KHK: variants seen among roughly 807,000 people sequenced by gnomAD.
The protein encoded by KHK is ketohexokinase.
Under a neutral mutation model 36.0 loss-of-function variants are expected in KHK, and 37 were observed. That is an observed-to-expected ratio of 1.03 (90% confidence interval 0.79 to 1.35). The LOEUF (loss-of-function observed/expected upper bound fraction) is 1.35. Among genes scored for constraint, KHK ranks in the 40% most tolerant of loss-of-function variants. The probability of loss-of-function intolerance (pLI) is 0.00; values close to 1 mark genes in which losing one functional copy is unlikely to be tolerated. For synonymous variants in KHK, 161 were observed against 162.8 expected (o/e 0.99, Z 0.08); for missense variants, 395 against 391.9 (o/e 1.01, Z -0.07).
chr2:27,095,282 A>G (rs114690648), intron 3 of KHK, among the ~76,000 whole-genome samples: 1 of 152,166 alleles, frequency 6.6e-6, no homozygotes, highest in East Asian at 1.9e-4. Flanking sequence ...TCAGGACAGA[A>G]GGGTGGGAGA....
chr2:27,096,647 C>T, intron 3 of KHK, 82 bp from the exon 4 acceptor site: 1 of 1,075,614 alleles, frequency 9.3e-7, no homozygotes, highest in South Asian at 1.2e-5. Flanking sequence ...GGCACAGGGT[C>T]CACAGCTGCC....
At chr2:27,097,065 C>T (rs1441292207) in intron 4 of KHK, among the ~76,000 whole-genome samples, 1 of 152,196 alleles carries the variant, frequency 6.6e-6, no homozygotes, top group African/African-American at 2.4e-5. Context: ...ACGGGCTGCC[C>T]CATTGCCTCC....
chr2:27,099,331 C>G lies in KHK; in HGVS notation c.653+47C>G, dbSNP rs201030559. 14 of 1,612,882 alleles carry G rather than the reference C, an allele frequency of 8.7e-6. No homozygotes were observed. In the East Asian group the frequency reaches 2.9e-4, roughly 33 times the overall value. ...GGGGCTTTAGAAGGTACAGGATGAGCCTGGACTCCAGGAGTCCGCCCTGGA... is the reference window on the plus strand; with the variant it reads ...GGGGCTTTAGAAGGTACAGGATGAGGCTGGACTCCAGGAGTCCGCCCTGGA... On this transcript the variant is annotated intron_variant, in intron 6 of 7. Coordinates refer to ENST00000260598, the MANE Select transcript of KHK (RefSeq NM_006488.3).
chr2:27,094,045 G>A (rs1670167644), intron 2 of KHK, among the ~76,000 whole-genome samples: 1 of 152,216 alleles, frequency 6.6e-6, no homozygotes, highest in African/African-American at 2.4e-5. Context: ...GTGGAGGACA[G>A]CTGGGGGCAA....
intron 1 of KHK, among the ~76,000 whole-genome samples, chr2:27,091,959 G>A (rs1227667844): frequency 6.6e-6 from 1 of 152,224 alleles, no homozygotes; most frequent in African/African-American, 2.4e-5. Flanking sequence ...CTCTCAAGGA[G>A]GAGGCCAAAG....
chr2:27,090,956 T>C (rs1482079507), intron 1 of KHK, among the ~76,000 whole-genome samples: 1 of 152,076 alleles, frequency 6.6e-6, no homozygotes, highest in Non-Finnish European at 1.5e-5. Context: ...CTTGGGAGAC[T>C]AAGGTGGGAG....
intron 1 of KHK, 60 bp from the exon 2 acceptor site, chr2:27,092,272 A>C: frequency 1.6e-6 from 2 of 1,281,602 alleles, no homozygotes; most frequent in Non-Finnish European, 2.3e-6. Flanking sequence ...GCCCCTATAC[A>C]GGAGACTGTG....
chr2:27,094,593 C>T (rs913305349), intron 2 of KHK: 2 of 1,614,194 alleles, frequency 1.2e-6, no homozygotes, highest in East Asian at 2.2e-5. Flanking sequence ...GGTAGCCGCA[C>T]CATCCTATAC....
At chr2:27,094,973 T>A in intron 3 of KHK, 39 bp downstream of exon 3, 1 of 1,611,852 alleles carries the variant, frequency 6.2e-7, no homozygotes, top group Non-Finnish European at 8.5e-7. Flanking sequence ...AACCCACCAA[T>A]CAGTTGGCTC....
Position 27,099,434 on chromosome 2 carries a change from G to A in KHK, c.668G>A (p.Cys223Tyr). Residue 223 changes from cysteine to tyrosine, a missense_variant, in exon 7 of 8, where the codon TGT becomes TAT. Coordinates refer to ENST00000260598, the MANE Select transcript of KHK (RefSeq NM_006488.3). ...CCGTCTTGCAGGGCTGTGCTTGTCT[G>A]TGCCTGGGCTGAGGAGGGCGCCGAC... ...GRVRKGAVLV[C>Y]AWAEEGADAL... The A allele has an allele frequency of 1.2e-6, 2 of 1,613,960 alleles. No individual in the cohort carries two copies. The highest frequency in any genetic ancestry group is 1.7e-6 in the Non-Finnish European group (2 of 1,179,896).
At chr2:27,094,542 G>A in intron 2 of KHK, 1 of 1,614,086 alleles carries the variant, frequency 6.2e-7, no homozygotes, top group Non-Finnish European at 8.5e-7. Context: ...CAGACCACAG[G>A]CTCCGTCCCC....
At chr2:27,094,468 C>T (rs748785153) in intron 2 of KHK, 1 of 1,612,964 alleles carries the variant, frequency 6.2e-7, no homozygotes, top group Admixed American at 1.7e-5. Flanking sequence ...GGTTACTCCG[C>T]CCTAGCAGTT....
chr2:27,099,029 AAAAT>A, intron 5 of KHK, 163 bp from the exon 6 acceptor site: 2 of 713,304 alleles, frequency 2.8e-6, no homozygotes, highest in Admixed American at 2.0e-5. Context: ...ATCTTCACAA[AAAAT>A]AAAGAAAAAA....
Position 27,099,556 on chromosome 2 carries a change from GTCA to G in KHK, c.793_795del (p.Ile265del). 1 of 1,614,144 alleles carries G rather than the reference GTCA, an allele frequency of 6.2e-7. No homozygotes were observed. On this transcript the variant is annotated inframe_deletion, in exon 7 of 8. Transcript: ENST00000260598. ...AGCTGGAGACACCTTCAATGCCTCCGTCATCTTCAGCCTCTCCCAGGGTGAGTA... is the reference window on the plus strand; with the variant it reads ...AGCTGGAGACACCTTCAATGCCTCCGTCTTCAGCCTCTCCCAGGGTGAGTA...
chr2:27,094,867 G>GA lies in KHK; in HGVS notation c.278dup (p.Asp93GlufsTer22). 6.2e-7 allele frequency: 1 copy of GA among 1,614,024 alleles called. No individual in the cohort carries two copies. Among genetic ancestry groups the GA allele is most frequent in the Non-Finnish European group, 8.5e-7 (1 of 1,180,050 alleles). On this transcript the variant is annotated frameshift_variant, in exon 3 of 8. Transcript: ENST00000260598. LOFTEE classifies it high-confidence loss of function. Reference sequence around the variant, plus strand: ...TCAGGTGGCCTGGCAGAGCAAGGGGGACACCCCCAGCTCCTGCTGCATCAT... The same window carrying GA: ...TCAGGTGGCCTGGCAGAGCAAGGGGGAACACCCCCAGCTCCTGCTGCATCAT...
Position 27,094,966 on chromosome 2 carries a change from C to T in KHK, c.344+32C>T, listed in dbSNP as rs747246596. The T allele has an allele frequency of 6.2e-6, 10 of 1,612,776 alleles. No individual in the cohort carries two copies. In the South Asian group the frequency reaches 9.9e-5, roughly 16 times the overall value. ...CCCCCGGGCCTCGCCCTGCTACAAC[C>T]CACCAATCAGTTGGCTCAATCAGTT... On this transcript the variant is annotated intron_variant, in intron 3 of 7. Transcript: ENST00000260598.
chr2:27,099,373 G>A, intron 6 of KHK, 47 bp from the exon 7 acceptor site: 1 of 1,612,324 alleles, frequency 6.2e-7, no homozygotes, highest in Non-Finnish European at 8.5e-7. Flanking sequence ...AGGATGGCTG[G>A]GGGGACGGGG....
At chr2:27,097,062 G>A (rs1003619643) in intron 4 of KHK, among the ~76,000 whole-genome samples, 2 of 152,202 alleles carry the variant, frequency 1.3e-5, no homozygotes, top group African/African-American at 4.8e-5. Context: ...GCTACGGGCT[G>A]CCCCATTGCC....
intron 2 of KHK, chr2:27,094,545 C>A: frequency 6.2e-7 from 1 of 1,614,188 alleles, no homozygotes; most frequent in South Asian, 1.1e-5. Flanking sequence ...ACCACAGGCT[C>A]CGTCCCCATC....
Sources: allele counts gnomAD v4.1 joint callset (sites outside exome capture counted in the v4.1 genomes callset), GRCh38; gene constraint gnomAD v4.1.1; transcripts MANE v1.5; gene names NCBI Gene and HGNC (gene_info 2026-07-23, HGNC 2026-07-21).